Variants in MYT1L observed in about 807,000 individuals in gnomAD.
MYT1L encodes the protein myelin transcription factor 1-like protein.
A neutral mutation model predicts 126.7 loss-of-function variants in MYT1L; 12 were observed. The ratio of observed to expected loss-of-function variants is 0.09; its 90% CI spans 0.06 to 0.15. The LOEUF (loss-of-function observed/expected upper bound fraction) is 0.15. Ranked by LOEUF, MYT1L falls within the 10% of genes least tolerant of loss-of-function variation. The pLI, the probability that MYT1L is intolerant of heterozygous loss-of-function variation, is 1.00. For missense variants in MYT1L, 979 were observed against 1,585.2 expected, an observed-to-expected ratio of 0.62 and a Z score of 6.49; for synonymous variants, 541 against 604.2, an observed-to-expected ratio of 0.90 and a Z score of 1.53.
rs569185700 is a variant in MYT1L, at chr2:2,106,673, A to G, written c.-303-52550T>C. On this transcript the variant is annotated intron_variant, in intron 3 of 24. Transcript: ENST00000647738. ...AAATAAAATTCATCTCCATGAGGGA[A>G]GTCTCTCACGTTCCTAACACCATGA... 1.4e-4 allele frequency among the ~76,000 whole-genome samples: 22 copies of G among 152,364 alleles called. No homozygotes were observed. In the East Asian group the frequency reaches 3.5e-3, roughly 24 times the overall value.
At position 2,262,925 on chromosome 2, in the gene MYT1L, TATATATAACCTGTG is replaced by T. The variant is rs1378800171; in HGVS notation, c.-421+21465_-421+21478del. On this transcript the variant is annotated intron_variant, in intron 2 of 24. Coordinates refer to ENST00000647738, the MANE Select transcript of MYT1L (RefSeq NM_001303052.2). ...CAGGTGAGAGGCACAAATATATATA[TATATATAACCTGTG>T]ATATATATATATATATCACAGGTAA... Among the ~76,000 whole-genome samples, 8 of 92,422 alleles carry T rather than the reference TATATATAACCTGTG, an allele frequency of 8.7e-5. 1 individual carries two copies. The highest frequency in any genetic ancestry group is 2.4e-4 in the African/African-American group (5 of 21,014). 60.6% of individuals were successfully genotyped at this position (92,422 alleles called of 152,430 possible). A position where few individuals can be genotyped will look rare whatever the true frequency, so the allele number is the denominator to read the frequency against.
At chr2:1,891,992 C>A in intron 15 of MYT1L, 45 bp downstream of exon 15, 1 of 1,463,466 alleles carries the variant, frequency 6.8e-7, no homozygotes. Flanking sequence ...CGCGGCCCGG[C>A]CTCCCCCACC....
At chr2:1,827,400 C>G (rs1353664302) in intron 21 of MYT1L, 1 of 152,098 alleles carries the variant, frequency 6.6e-6, no homozygotes, top group Non-Finnish European at 1.5e-5. Flanking sequence ...CTGGGTCAAA[C>G]AGAAAGCTCC....
intron 2 of MYT1L, among the ~76,000 whole-genome samples, chr2:2,181,968 G>A (rs542643684): frequency 6.6e-4 from 101 of 152,220 alleles, no homozygotes; most frequent in Admixed American, 3.6e-3. Context: ...GCTGGGATGG[G>A]GACCCAGGTT....
intron 2 of MYT1L, among the ~76,000 whole-genome samples, chr2:2,233,988 T>C (rs2094221748): frequency 6.6e-6 from 1 of 152,234 alleles, no homozygotes; most frequent in Admixed American, 6.5e-5. Context: ...TAACCAGGCT[T>C]GTAGCTCTTA....
chr2:2,012,417 G>GT (rs1340590232), intron 4 of MYT1L, among the ~76,000 whole-genome samples: 1 of 152,204 alleles, frequency 6.6e-6, no homozygotes, highest in Non-Finnish European at 1.5e-5. Flanking sequence ...AATGGAGAAA[G>GT]TTGCAGAGGC....
intron 8 of MYT1L, among the ~76,000 whole-genome samples, chr2:1,961,538 G>C (rs917149055): frequency 3.9e-5 from 6 of 152,198 alleles, no homozygotes; most frequent in Non-Finnish European, 8.8e-5. Context: ...TGCATAAGAC[G>C]CGTGTGCTGG....
At chr2:2,108,444 G>A (rs533504723) in intron 3 of MYT1L, among the ~76,000 whole-genome samples, 12 of 152,160 alleles carry the variant, frequency 7.9e-5, no homozygotes, top group Non-Finnish European at 1.6e-4. Flanking sequence ...CACCTTGTCT[G>A]CTGCCATATT....
chr2:2,311,457 T>G (rs960379452), intron 1 of MYT1L, among the ~76,000 whole-genome samples: 10 of 152,172 alleles, frequency 6.6e-5, no homozygotes, highest in African/African-American at 2.4e-4. Context: ...ACAATAATGT[T>G]GGTCTCAGAT....
chr2:2,316,873 T>C (rs1381920964), intron 1 of MYT1L, among the ~76,000 whole-genome samples: 1 of 151,974 alleles, frequency 6.6e-6, no homozygotes, highest in African/African-American at 2.4e-5. Flanking sequence ...TGCAGTGGCG[T>C]GATCTCGGCT....
At position 1,892,316 on chromosome 2, in the gene MYT1L, G is replaced by C. The variant is rs547997792; in HGVS notation, c.2033-29C>G. 1.9e-6 allele frequency: 3 copies of C among 1,541,640 alleles called. No individual in the cohort carries two copies. In the South Asian group the frequency reaches 3.6e-5, roughly 18 times the overall value. ...GGGAGACAGGGACAGGGATGACTCA[G>C]GCCCCGGCCGCAGGGCACACGGCAG... On this transcript the variant is annotated intron_variant, in intron 14 of 24. Coordinates refer to ENST00000647738, the MANE Select transcript of MYT1L (RefSeq NM_001303052.2).
chr2:2,159,085 C>G (rs780882993), intron 3 of MYT1L, among the ~76,000 whole-genome samples: 4 of 152,190 alleles, frequency 2.6e-5, no homozygotes, highest in Non-Finnish European at 5.9e-5. Flanking sequence ...CTTCCACAAT[C>G]CGCAGGTTGC....
At chr2:2,000,903 A>G (rs998360065) in intron 4 of MYT1L, among the ~76,000 whole-genome samples, 4 of 152,180 alleles carry the variant, frequency 2.6e-5, no homozygotes, top group African/African-American at 4.8e-5. Context: ...GTTCCACTCC[A>G]TTGCCAGGCC....
chr2:2,056,826 A>G (rs1359210423), intron 3 of MYT1L, among the ~76,000 whole-genome samples: 1 of 152,202 alleles, frequency 6.6e-6, no homozygotes, highest in African/African-American at 2.4e-5. Context: ...TTCTCAGCCA[A>G]AGTTTTGCTG....
At chr2:2,259,478 A>ATG (rs1009986880) in intron 2 of MYT1L, among the ~76,000 whole-genome samples, 3 of 151,594 alleles carry the variant, frequency 2.0e-5, no homozygotes, top group Admixed American at 6.6e-5. Flanking sequence ...TCCTTTCCTA[A>ATG]TGTATATATA....
At chr2:2,321,793 A>G (rs1318443530) in intron 1 of MYT1L, among the ~76,000 whole-genome samples, 1 of 152,204 alleles carries the variant, frequency 6.6e-6, no homozygotes, top group Non-Finnish European at 1.5e-5. Context: ...AAATTTCTCA[A>G]GCAAGTGCCC....
At chr2:2,098,713 A>C (rs1367672961) in intron 3 of MYT1L, among the ~76,000 whole-genome samples, 1 of 152,256 alleles carries the variant, frequency 6.6e-6, no homozygotes, top group Non-Finnish European at 1.5e-5. Flanking sequence ...AAAGAAAAAA[A>C]GAAACACAAA....
At chr2:1,977,375 T>A (rs1483394003) in intron 8 of MYT1L, among the ~76,000 whole-genome samples, 2 of 152,222 alleles carry the variant, frequency 1.3e-5, no homozygotes, top group Non-Finnish European at 2.9e-5. Context: ...ATAAATTCAT[T>A]TCTTAGTGAA....
At chr2:2,298,743 C>T (rs1031445881) in intron 1 of MYT1L, among the ~76,000 whole-genome samples, 1 of 152,154 alleles carries the variant, frequency 6.6e-6, no homozygotes, top group Non-Finnish European at 1.5e-5. Flanking sequence ...GGCATGTTCT[C>T]GTGGGAGGTG....
Sources: allele counts gnomAD v4.1 joint callset (sites outside exome capture counted in the v4.1 genomes callset), GRCh38; gene constraint gnomAD v4.1.1; transcripts MANE v1.5; gene names NCBI Gene and HGNC (gene_info 2026-07-23, HGNC 2026-07-21).